SMIM3: variants seen among roughly 807,000 people sequenced by gnomAD.
The protein encoded by SMIM3 is small integral membrane protein 3, also known as NGF-induced differentiation clone 67 protein.
Under a neutral mutation model 2.1 loss-of-function variants are expected in SMIM3, and 4 were observed. The ratio of observed to expected loss-of-function variants is 1.89; its 90% CI spans 0.93 to 4.31. The LOEUF is 4.31. Among genes scored for constraint, SMIM3 ranks in the 30% most tolerant of loss-of-function variants. SMIM3 has a pLI of 0.01. For missense variants in SMIM3, 79 were observed against 77.7 expected, an observed-to-expected ratio of 1.02 and a Z score of -0.06; for synonymous variants, 29 against 30.8, an observed-to-expected ratio of 0.94 and a Z score of 0.19.
Position 150,795,584 on chromosome 5 carries a change from T to A in SMIM3, c.144T>A (p.Tyr48Ter), listed in dbSNP as rs747661821. ...LLCPATAVII[Y>*]RMRTHPILSG... Reference sequence around the variant, plus strand: ...GCCCAGCCACTGCAGTAATCATCTATCGCATGCGGACTCATCCGATCCTTA... The same window carrying A: ...GCCCAGCCACTGCAGTAATCATCTAACGCATGCGGACTCATCCGATCCTTA... The change falls in exon 2 of 2, where the codon TAT (tyrosine) becomes TAA (stop). Residue 48 changes from tyrosine to a stop codon, truncating the protein, a stop_gained. Transcript: ENST00000526627. LOFTEE classifies it high-confidence loss of function. The A allele has an allele frequency of 6.3e-7, 1 of 1,583,376 alleles. No individual in the cohort carries two copies. Among genetic ancestry groups the A allele is most frequent in the Non-Finnish European group, 8.5e-7 (1 of 1,169,684 alleles).
chr5:150,783,399 G>A (rs1043538318), intron 1 of SMIM3, among the ~76,000 whole-genome samples: 4 of 152,214 alleles, frequency 2.6e-5, no homozygotes, highest in African/African-American at 7.2e-5. Flanking sequence ...TGTGCCCTGG[G>A]AACCATCAGC....
chr5:150,795,873 T>G lies in SMIM3; in HGVS notation c.*250T>G. On this transcript the variant is annotated 3_prime_UTR_variant, in exon 2 of 2. Coordinates refer to ENST00000526627, the MANE Select transcript of SMIM3 (RefSeq NM_032947.5). ...ATAGGGATGTGAGAACCACCTGACT[T>G]AGTGGATGTGAAAGCTGTTTGTGAT... The G allele has an allele frequency of 1.9e-6, 1 of 521,826 alleles. No homozygotes were observed. The highest frequency in any genetic ancestry group is 3.4e-5 in the East Asian group (1 of 29,794). 32.3% of individuals were successfully genotyped at this position (521,826 alleles called of 1,614,324 possible).
chr5:150,794,915 C>T (rs1718115203), intron 1 of SMIM3, among the ~76,000 whole-genome samples: 1 of 152,126 alleles, frequency 6.6e-6, no homozygotes, highest in African/African-American at 2.4e-5. Flanking sequence ...AACGAAACCA[C>T]ACAGAATAGG....
intron 1 of SMIM3, among the ~76,000 whole-genome samples, chr5:150,788,554 A>G (rs973409807): frequency 9.2e-5 from 14 of 151,374 alleles, no homozygotes; most frequent in Non-Finnish European, 1.6e-4. Flanking sequence ...GGTTTGCTTG[A>G]ACCTGGGAGG....
intron 1 of SMIM3, among the ~76,000 whole-genome samples, chr5:150,780,551 G>T (rs941942949): frequency 6.6e-6 from 1 of 152,174 alleles, no homozygotes; most frequent in Non-Finnish European, 1.5e-5. Flanking sequence ...TGACACTAAA[G>T]ATCTGGGGAG....
In SMIM3 at chr5:150,778,778, G is replaced by A; in HGVS notation, c.-206G>A. 1 of 460,232 alleles carries A rather than the reference G, an allele frequency of 2.2e-6. No homozygotes were observed. Among genetic ancestry groups the A allele is most frequent in the Non-Finnish European group, 4.5e-6 (1 of 222,160 alleles). 28.5% of individuals were successfully genotyped at this position (460,232 alleles called of 1,614,324 possible). A position where few individuals can be genotyped will look rare whatever the true frequency, so the allele number is the denominator to read the frequency against. On this transcript the variant is annotated 5_prime_UTR_variant, in exon 1 of 2. Transcript: ENST00000526627. ...CCGCGCATTCCAGAGCCAGCAGCGC[G>A]TCCTGGCCGCTCCTGCGCTCTCCCG...
At chr5:150,789,763 T>C (rs1184802800) in intron 1 of SMIM3, among the ~76,000 whole-genome samples, 2 of 152,172 alleles carry the variant, frequency 1.3e-5, no homozygotes, top group Non-Finnish European at 2.9e-5. Flanking sequence ...TTGTGTGTTA[T>C]GGTGTAGTAT....
At chr5:150,786,684 T>C (rs1398466053) in intron 1 of SMIM3, among the ~76,000 whole-genome samples, 2 of 152,200 alleles carry the variant, frequency 1.3e-5, no homozygotes, top group Admixed American at 1.3e-4. Context: ...TCCTTGAACA[T>C]AGTAAGCTAA....
At position 150,783,510 on chromosome 5, in the gene SMIM3, G is replaced by A. The variant is rs77990293; in HGVS notation, c.-12+4538G>A. On this transcript the variant is annotated intron_variant, in intron 1 of 1. Coordinates refer to ENST00000526627, the MANE Select transcript of SMIM3 (RefSeq NM_032947.5). Reference sequence around the variant, plus strand: ...TATAGCTGTCTGCTCTCTGGCCACCGTGGCTGGTGGAAACAAAACAGCAGC... The same window carrying A: ...TATAGCTGTCTGCTCTCTGGCCACCATGGCTGGTGGAAACAAAACAGCAGC... 8.8e-3 allele frequency among the ~76,000 whole-genome samples: 1,338 copies of A among 152,354 alleles called. 32 individuals are homozygous for A. Among genetic ancestry groups the A allele is most frequent in the South Asian group, 0.051 (246 of 4,834 alleles).
intron 1 of SMIM3, among the ~76,000 whole-genome samples, chr5:150,783,997 C>T (rs2113200057): frequency 6.7e-6 from 1 of 148,854 alleles, no homozygotes; most frequent in South Asian, 2.1e-4. Flanking sequence ...TGGCTAACTG[C>T]AACCTCCACC....
chr5:150,795,026 G>C (rs1753387893), intron 1 of SMIM3, among the ~76,000 whole-genome samples: 1 of 152,116 alleles, frequency 6.6e-6, no homozygotes, highest in Non-Finnish European at 1.5e-5. Context: ...TAGTATGGTA[G>C]CTTAATAGTT....
chr5:150,781,179 G>A (rs1753229465), intron 1 of SMIM3, among the ~76,000 whole-genome samples: 1 of 152,170 alleles, frequency 6.6e-6, no homozygotes, highest in South Asian at 2.1e-4. Flanking sequence ...AGGCACCCTG[G>A]CTCCAGGGCC....
intron 1 of SMIM3, among the ~76,000 whole-genome samples, chr5:150,794,526 A>T (rs1404714974): frequency 1.3e-5 from 2 of 152,244 alleles, no homozygotes; most frequent in East Asian, 1.9e-4. Flanking sequence ...AGTGACCTGG[A>T]TGAGATTGGA....
rs139420502 is a variant in SMIM3 at position 150,795,586 on chromosome 5, G to T, written c.146G>T (p.Arg49Leu). 1.6e-5 allele frequency: 26 copies of T among 1,580,840 alleles called. No individual in the cohort carries two copies. Among genetic ancestry groups the T allele is most frequent in the Non-Finnish European group, 2.0e-5 (23 of 1,168,744 alleles). Residue 49 changes from arginine (R) to leucine (L), a missense_variant, in exon 2 of 2, where the codon CGC (arginine) becomes CTC (leucine). Transcript: ENST00000526627. ...CCAGCCACTGCAGTAATCATCTATCGCATGCGGACTCATCCGATCCTTAGT... is the reference window on the plus strand; with the variant it reads ...CCAGCCACTGCAGTAATCATCTATCTCATGCGGACTCATCCGATCCTTAGT... ...LCPATAVIIY[R>L]MRTHPILSGA...
chr5:150,794,305 C>T (rs1422573273), intron 1 of SMIM3, among the ~76,000 whole-genome samples: 2 of 152,136 alleles, frequency 1.3e-5, no homozygotes, highest in Non-Finnish European at 2.9e-5. Context: ...CCTTTTGATC[C>T]AGCAGTCCCA....
intron 1 of SMIM3, among the ~76,000 whole-genome samples, chr5:150,783,810 T>C (rs1398590244): frequency 6.6e-6 from 1 of 152,094 alleles, no homozygotes; most frequent in East Asian, 1.9e-4. Flanking sequence ...CAGCTTAAAA[T>C]TTTTTTACTT....
intron 1 of SMIM3, among the ~76,000 whole-genome samples, chr5:150,791,669 G>A (rs1319074793): frequency 6.6e-6 from 1 of 152,064 alleles, no homozygotes; most frequent in Non-Finnish European, 1.5e-5. Context: ...AGACACTTAG[G>A]TTTATTCCAT....
chr5:150,795,389 G>A (rs745518564), intron 1 of SMIM3, 41 bp from the exon 2 acceptor site: 2 of 1,603,356 alleles, frequency 1.2e-6, no homozygotes, highest in South Asian at 2.2e-5. Context: ...GAGGCAGGGA[G>A]AGAGTACGCA....
At chr5:150,791,184 C>T (rs1383355880) in intron 1 of SMIM3, among the ~76,000 whole-genome samples, 1 of 152,136 alleles carries the variant, frequency 6.6e-6, no homozygotes, top group Non-Finnish European at 1.5e-5. Context: ...TATATCCTCG[C>T]CTATTTCCCT....
Sources: allele counts gnomAD v4.1 joint callset (sites outside exome capture counted in the v4.1 genomes callset), GRCh38; gene constraint gnomAD v4.1.1; transcripts MANE v1.5; gene names NCBI Gene and HGNC (gene_info 2026-07-23, HGNC 2026-07-21).